TMEM266: variants seen among roughly 807,000 people sequenced by gnomAD.
TMEM266 encodes transmembrane protein 266, also known as Hv1 related protein 1.
Under a neutral mutation model 50.5 loss-of-function variants are expected in TMEM266, and 33 were observed. The observed-to-expected ratio is 0.65, with a 90% CI of 0.50 to 0.87. TMEM266 has a LOEUF of 0.87. TMEM266 is among the 40% of genes least tolerant of loss of function. TMEM266 has a pLI of 0.00. For synonymous variants in TMEM266, 310 were observed against 292.3 expected, an observed-to-expected ratio of 1.06 and a Z score of -0.62; for missense variants, 655 against 695.1, an observed-to-expected ratio of 0.94 and a Z score of 0.65.
intron 8 of TMEM266, among the ~76,000 whole-genome samples, chr15:76,186,342 A>G (rs1011464669): frequency 7.9e-5 from 12 of 152,150 alleles, no homozygotes; most frequent in Admixed American, 4.6e-4. Context: ...GCATAGGAGG[A>G]GCCAGGAGCC....
At chr15:76,110,252 C>T (rs1389290938) in intron 1 of TMEM266, among the ~76,000 whole-genome samples, 1 of 152,112 alleles carries the variant, frequency 6.6e-6, no homozygotes, top group African/African-American at 2.4e-5. Context: ...ATCCACCTGC[C>T]TCAGCCTCCC....
chr15:76,086,898 T>G (rs2141995454), intron 1 of TMEM266, among the ~76,000 whole-genome samples: 1 of 144,198 alleles, frequency 6.9e-6, no homozygotes. Context: ...TTCCAATTTT[T>G]CATCTGCCAT....
chr15:76,099,176 A>G (rs555963853), intron 1 of TMEM266, among the ~76,000 whole-genome samples: 1 of 152,322 alleles, frequency 6.6e-6, no homozygotes, highest in Non-Finnish European at 1.5e-5. Flanking sequence ...CCAAGTGGCC[A>G]CCCAGTTTTG....
intron 1 of TMEM266, among the ~76,000 whole-genome samples, chr15:76,085,876 A>G (rs1053890982): frequency 6.6e-5 from 10 of 151,992 alleles, no homozygotes; most frequent in African/African-American, 2.2e-4. Context: ...GTGAAACCCT[A>G]TCTCTACTAA....
intron 9 of TMEM266, among the ~76,000 whole-genome samples, chr15:76,192,890 C>T (rs1004370596): frequency 2.0e-5 from 3 of 152,188 alleles, no homozygotes; most frequent in Non-Finnish European, 2.9e-5. Flanking sequence ...TTGCACGGGG[C>T]CACCCAAGCC....
chr15:76,196,043 C>T (rs2038650550), intron 9 of TMEM266, among the ~76,000 whole-genome samples: 1 of 152,164 alleles, frequency 6.6e-6, no homozygotes, highest in Non-Finnish European at 1.5e-5. Context: ...AGTTGAAGGC[C>T]ACTTGGGGGA....
intron 3 of TMEM266, among the ~76,000 whole-genome samples, chr15:76,154,546 C>T (rs912073148): frequency 1.3e-5 from 2 of 152,076 alleles, no homozygotes; most frequent in African/African-American, 4.8e-5. Context: ...TTTGACCTGG[C>T]TGATTTCCTC....
intron 1 of TMEM266, among the ~76,000 whole-genome samples, chr15:76,078,873 C>T (rs1335546337): frequency 6.6e-6 from 1 of 152,202 alleles, no homozygotes; most frequent in Non-Finnish European, 1.5e-5. Context: ...CTGGCAGGGC[C>T]ACACTCCCTG....
chr15:76,199,752 G>C (rs1257802432), intron 9 of TMEM266, among the ~76,000 whole-genome samples: 1 of 90,014 alleles, frequency 1.1e-5, no homozygotes, highest in African/African-American at 4.1e-5. Context: ...AGCTTTGAGA[G>C]TAAACACTAG....
intron 1 of TMEM266, among the ~76,000 whole-genome samples, chr15:76,110,937 T>C (rs2037161768): frequency 6.6e-6 from 1 of 152,200 alleles, no homozygotes; most frequent in African/African-American, 2.4e-5. Flanking sequence ...AACGGGATAC[T>C]ATTACACCCT....
rs1423749413 is a variant in TMEM266, at chr15:76,160,166, G to A, written c.454G>A (p.Glu152Lys). Residue 152 changes from glutamate (E) to lysine (K), a missense_variant and splice_region_variant, in exon 5 of 11, where the codon GAG becomes AAG. Coordinates refer to ENST00000388942, the MANE Select transcript of TMEM266 (RefSeq NM_152335.3). The surrounding 1 kb of genome is among the most constrained non-coding windows in gnomAD (Gnocchi z 5.7). ...GGTCATTCTGTCCGTGTTCTTCTCA[G>A]AGGTAGGTGGAGACTCTGGCCCTGT... 1 of 1,613,752 alleles carries A rather than the reference G, an allele frequency of 6.2e-7. No individual in the cohort carries two copies. The highest frequency in any genetic ancestry group is 8.5e-7 in the Non-Finnish European group (1 of 1,179,724).
chr15:76,159,605 G>A (rs1176557034), intron 4 of TMEM266, among the ~76,000 whole-genome samples: 1 of 152,100 alleles, frequency 6.6e-6, no homozygotes, highest in Non-Finnish European at 1.5e-5. Flanking sequence ...TCTGCCACTC[G>A]GTTTCCAGAA....
At chr15:76,151,928 G>A (rs888599854) in intron 3 of TMEM266, among the ~76,000 whole-genome samples, 2 of 152,196 alleles carry the variant, frequency 1.3e-5, no homozygotes. Flanking sequence ...GCACACTGGA[G>A]TCATCTGAGG....
At chr15:76,110,576 C>T (rs906844611) in intron 1 of TMEM266, among the ~76,000 whole-genome samples, 2 of 152,090 alleles carry the variant, frequency 1.3e-5, no homozygotes, top group Non-Finnish European at 2.9e-5. Flanking sequence ...CAAGTCAAGC[C>T]CATAGACATG....
chr15:76,122,197 GC>G (rs1309934446), intron 1 of TMEM266, among the ~76,000 whole-genome samples: 1 of 152,246 alleles, frequency 6.6e-6, no homozygotes, highest in Non-Finnish European at 1.5e-5. Context: ...GCCTGAGTAT[GC>G]TGTCATGATG....
At chr15:76,144,004 T>C (rs964689987) in intron 3 of TMEM266, among the ~76,000 whole-genome samples, 3 of 152,110 alleles carry the variant, frequency 2.0e-5, no homozygotes, top group African/African-American at 4.8e-5. Flanking sequence ...TGCCTCTGAG[T>C]TGGCTGCATA....
chr15:76,199,482 T>C (rs557010274), intron 9 of TMEM266, among the ~76,000 whole-genome samples: 2 of 152,322 alleles, frequency 1.3e-5, no homozygotes, highest in South Asian at 2.1e-4. Flanking sequence ...CCTTGGGGGT[T>C]ACAATGAGTA....
chr15:76,119,784 A>G (rs2037312614), intron 1 of TMEM266, among the ~76,000 whole-genome samples: 1 of 152,162 alleles, frequency 6.6e-6, no homozygotes, highest in Admixed American at 6.6e-5. Context: ...AAATTAATTA[A>G]AAAAAGAAGA....
intron 1 of TMEM266, among the ~76,000 whole-genome samples, chr15:76,104,907 A>C (rs1248295668): frequency 6.6e-6 from 1 of 150,836 alleles, no homozygotes; most frequent in African/African-American, 2.4e-5. Context: ...TTGTGTACTC[A>C]CCTATGCAAT....
Sources: allele counts gnomAD v4.1 joint callset (sites outside exome capture counted in the v4.1 genomes callset), GRCh38; gene constraint gnomAD v4.1.1; non-coding constraint Gnocchi (gnomAD v3.1); transcripts MANE v1.5; gene names NCBI Gene and HGNC (gene_info 2026-07-23, HGNC 2026-07-21).